KITLG: variants seen among roughly 807,000 people sequenced by gnomAD.
The protein encoded by KITLG is KIT ligand.
KITLG carries 13 observed loss-of-function variants against 34.1 expected under a neutral mutation model. The ratio of observed to expected loss-of-function variants is 0.38; its 90% confidence interval spans 0.25 to 0.61. The LOEUF (loss-of-function observed/expected upper bound fraction) is 0.61. KITLG is among the 20% of genes least tolerant of loss of function. The pLI, the probability that KITLG is intolerant of heterozygous loss-of-function variation, is 0.60. For synonymous variants in KITLG, 110 were observed against 104.0 expected, an observed-to-expected ratio of 1.06 and a Z score of -0.35; for missense variants, 292 against 318.9, an observed-to-expected ratio of 0.92 and a Z score of 0.64.
At chr12:88,540,614 A>G (rs1870484813) in intron 2 of KITLG, among the ~76,000 whole-genome samples, 2 of 152,126 alleles carry the variant, frequency 1.3e-5, no homozygotes, top group South Asian at 4.1e-4. Context: ...AGCCTGGGCA[A>G]CATAATGGGA....
intron 1 of KITLG, among the ~76,000 whole-genome samples, chr12:88,561,109 C>T (rs931660561): frequency 4.0e-5 from 6 of 151,602 alleles, no homozygotes; most frequent in African/African-American, 1.5e-4. Context: ...TCTACTTTGA[C>T]ACAATCCTTA....
chr12:88,494,259 C>T lies in KITLG; in HGVS notation c.*2960G>A, dbSNP rs1417508613. 2 of 151,766 alleles carry T rather than the reference C, an allele frequency of 1.3e-5. No homozygotes were observed. Among genetic ancestry groups the T allele is most frequent in the South Asian group, 2.1e-4 (1 of 4,836 alleles). The allele number at this position is 151,766 out of a possible 1,614,324, so 9.4% of individuals were successfully genotyped here. The stretch of plus-strand genomic sequence containing the variant: ...TAAATATACATAATGCCTAAAAGCT[C>T]CAAACTGAAATTACATTTTGAAATG... On this transcript the variant is annotated 3_prime_UTR_variant, in exon 10 of 10. Coordinates refer to ENST00000644744, the MANE Select transcript of KITLG (RefSeq NM_000899.5).
At chr12:88,500,927 A>G (rs1179997091) in intron 9 of KITLG, among the ~76,000 whole-genome samples, 4 of 151,994 alleles carry the variant, frequency 2.6e-5, no homozygotes, top group Non-Finnish European at 1.5e-5. Context: ...CCATAGGTGC[A>G]TACCACTATG....
At chr12:88,518,560 G>A (rs1443922696) in intron 4 of KITLG, 137 bp downstream of exon 4, 1 of 696,044 alleles carries the variant, frequency 1.4e-6, no homozygotes, top group Non-Finnish European at 2.5e-6. Flanking sequence ...TTGCTCATCT[G>A]AACAAGATTT....
intron 1 of KITLG, among the ~76,000 whole-genome samples, chr12:88,579,537 G>A (rs1342562756): frequency 6.6e-6 from 1 of 152,186 alleles, no homozygotes; most frequent in Non-Finnish European, 1.5e-5. Flanking sequence ...GAATTTAGCA[G>A]CACTGGGAAT....
intron 3 of KITLG, among the ~76,000 whole-genome samples, chr12:88,523,305 A>T (rs2120857580): frequency 6.6e-6 from 1 of 152,318 alleles, no homozygotes; most frequent in East Asian, 1.9e-4. Context: ...TAGAGTAGTG[A>T]AGTGTCTCGT....
At chr12:88,506,970 A>C (rs930319991) in intron 7 of KITLG, 58 bp downstream of exon 7, 6 of 956,714 alleles carry the variant, frequency 6.3e-6, no homozygotes, top group African/African-American at 3.2e-5. Flanking sequence ...TGAGGAAAAA[A>C]AGATGATAAT....
chr12:88,509,805 T>C (rs993774061), intron 6 of KITLG, among the ~76,000 whole-genome samples: 2 of 152,192 alleles, frequency 1.3e-5, no homozygotes, highest in Non-Finnish European at 2.9e-5. Flanking sequence ...CAAAAAGAAC[T>C]TTATCAGAAG....
chr12:88,507,360 G>A (rs1458833229), intron 6 of KITLG, among the ~76,000 whole-genome samples: 2 of 152,200 alleles, frequency 1.3e-5, no homozygotes, highest in South Asian at 2.1e-4. Context: ...AAATCACAGA[G>A]ACAGAAAGAG....
rs187565355 is a variant in KITLG at position 88,533,612 on chromosome 12, T to C, written c.130-1109A>G. ...GACCATTGGGTATTAAGATAACATA[T>C]ATTAAAAAGTAGTTTTGCACCATTA... On this transcript the variant is annotated intron_variant, in intron 2 of 9. Transcript: ENST00000644744. Among the ~76,000 whole-genome samples, 480 of 152,262 alleles carry C rather than the reference T, an allele frequency of 3.2e-3. 4 individuals are homozygous for C. The highest frequency in any genetic ancestry group is 0.011 in the African/African-American group (438 of 41,558).
intron 2 of KITLG, among the ~76,000 whole-genome samples, chr12:88,539,881 C>T (rs1438766679): frequency 3.3e-5 from 5 of 151,972 alleles, no homozygotes; most frequent in African/African-American, 9.7e-5. Flanking sequence ...GCCATGATTG[C>T]ACCACTGTAC....
chr12:88,577,625 A>G (rs1871873011), intron 1 of KITLG, among the ~76,000 whole-genome samples: 1 of 80,578 alleles, frequency 1.2e-5, no homozygotes, highest in African/African-American at 2.7e-5. Context: ...CACAATCTGA[A>G]TAAAATAAAA....
At chr12:88,528,727 A>G (rs764494888) in intron 3 of KITLG, among the ~76,000 whole-genome samples, 4 of 152,244 alleles carry the variant, frequency 2.6e-5, no homozygotes, top group Non-Finnish European at 5.9e-5. Context: ...ACATGCATAC[A>G]TAGAAAGAAA....
chr12:88,500,875 G>A (rs1868825644), intron 9 of KITLG, among the ~76,000 whole-genome samples: 1 of 152,098 alleles, frequency 6.6e-6, no homozygotes, highest in Admixed American at 6.6e-5. Flanking sequence ...AACCTCTCGG[G>A]CTCAGGCAAT....
chr12:88,533,404 T>C (rs1328462639), intron 2 of KITLG, among the ~76,000 whole-genome samples: 2 of 152,126 alleles, frequency 1.3e-5, no homozygotes, highest in African/African-American at 2.4e-5. Context: ...TTATAAACAC[T>C]CAATCCATGT....
chr12:88,556,912 G>A (rs1280208772), intron 1 of KITLG, among the ~76,000 whole-genome samples: 4 of 152,160 alleles, frequency 2.6e-5, no homozygotes, highest in Non-Finnish European at 4.4e-5. Flanking sequence ...TTACTAAAGA[G>A]TACTTAATGG....
At chr12:88,527,466 A>G (rs1869916592) in intron 3 of KITLG, among the ~76,000 whole-genome samples, 1 of 152,168 alleles carries the variant, frequency 6.6e-6, no homozygotes, top group Non-Finnish European at 1.5e-5. Context: ...AGAAGTTTGG[A>G]AGGCTTATTG....
chr12:88,509,034 G>A (rs1342739803), intron 6 of KITLG, among the ~76,000 whole-genome samples: 2 of 152,068 alleles, frequency 1.3e-5, no homozygotes, highest in Non-Finnish European at 2.9e-5. Flanking sequence ...CCAATCTGCT[G>A]TGGCCCCCAT....
intron 3 of KITLG, among the ~76,000 whole-genome samples, chr12:88,524,596 T>A (rs951002588): frequency 6.6e-6 from 1 of 150,460 alleles, no homozygotes; most frequent in African/African-American, 2.4e-5. Flanking sequence ...TTTTATTTAT[T>A]TTTTTTTTAG....
Sources: gnomAD v4.1 joint callset for allele counts (sites outside exome capture counted in the v4.1 genomes callset) on GRCh38, gnomAD v4.1.1 for gene constraint, MANE v1.5 for transcripts, NCBI Gene and HGNC (gene_info 2026-07-23, HGNC 2026-07-21) for gene names.